NALF1: variants seen among roughly 807,000 people sequenced by gnomAD.
NALF1 encodes the protein NALCN channel auxiliary factor 1, also known as family with sequence similarity 155 member A.
NALF1 carries 3 observed loss-of-function variants against 48.4 expected under a neutral mutation model. The ratio of observed to expected loss-of-function variants is 0.06; its 90% CI spans 0.03 to 0.16. The LOEUF is 0.16. Among genes scored for constraint, NALF1 ranks in the 10% least tolerant of loss-of-function variants. NALF1 has a pLI of 1.00. For missense variants in NALF1, 526 were observed against 571.5 expected, an observed-to-expected ratio of 0.92 and a Z score of 0.81; for synonymous variants, 262 against 245.7, an observed-to-expected ratio of 1.07 and a Z score of -0.62.
chr13:107,841,183 A>G (rs1485395455), intron 1 of NALF1, among the ~76,000 whole-genome samples: 2 of 152,320 alleles, frequency 1.3e-5, no homozygotes, highest in Non-Finnish European at 1.5e-5. Context: ...AATTACACTT[A>G]TGCATATTTG....
chr13:107,224,522 A>C (rs1308671102), intron 1 of NALF1, among the ~76,000 whole-genome samples: 1 of 151,182 alleles, frequency 6.6e-6, no homozygotes, highest in African/African-American at 2.4e-5. Flanking sequence ...AAAAGGTAAA[A>C]AATTGGTTAA....
intron 1 of NALF1, among the ~76,000 whole-genome samples, chr13:107,699,681 A>G (rs1881776516): frequency 6.6e-6 from 1 of 152,166 alleles, no homozygotes; most frequent in South Asian, 2.1e-4. Context: ...CAATCAGACA[A>G]GAAAAAGCAA....
At chr13:107,374,058 C>A (rs35423989) in intron 1 of NALF1, among the ~76,000 whole-genome samples, 69 of 152,304 alleles carry the variant, frequency 4.5e-4, no homozygotes, top group Non-Finnish European at 9.1e-4. Flanking sequence ...ATATTCACTT[C>A]TCTGAATTTT....
At chr13:107,601,894 G>T (rs1489390362) in intron 1 of NALF1, among the ~76,000 whole-genome samples, 6 of 151,912 alleles carry the variant, frequency 3.9e-5, no homozygotes, top group Non-Finnish European at 7.4e-5. Flanking sequence ...AATTACTGAG[G>T]CTCCCTCCCT....
chr13:107,268,605 C>T (rs547480207), intron 1 of NALF1, among the ~76,000 whole-genome samples: 2 of 152,292 alleles, frequency 1.3e-5, no homozygotes, highest in South Asian at 2.1e-4. Flanking sequence ...GTTACAACTA[C>T]ATGTAAATCT....
At chr13:107,215,884 T>C (rs1002419749) in intron 1 of NALF1, among the ~76,000 whole-genome samples, 3 of 152,196 alleles carry the variant, frequency 2.0e-5, no homozygotes, top group South Asian at 2.1e-4. Flanking sequence ...TTTAAATATA[T>C]ATTACCCCCA....
intron 1 of NALF1, among the ~76,000 whole-genome samples, chr13:107,514,649 T>C (rs1876002308): frequency 6.6e-6 from 1 of 152,210 alleles, no homozygotes; most frequent in Non-Finnish European, 1.5e-5. Context: ...ACCTTTCACA[T>C]GGAAGTATAG....
chr13:107,845,938 ACC>A (rs1880159964), intron 1 of NALF1, among the ~76,000 whole-genome samples: 1 of 152,212 alleles, frequency 6.6e-6, no homozygotes. Flanking sequence ...AAATTCATGT[ACC>A]TAAATATAAT....
intron 1 of NALF1, among the ~76,000 whole-genome samples, chr13:107,629,359 C>T (rs1410041963): frequency 6.6e-6 from 1 of 152,118 alleles, no homozygotes; most frequent in African/African-American, 2.4e-5. Context: ...CTTTTAAATA[C>T]CTATAAAGAA....
At chr13:107,579,494 C>A (rs1044123435) in intron 1 of NALF1, among the ~76,000 whole-genome samples, 7 of 152,216 alleles carry the variant, frequency 4.6e-5, no homozygotes, top group Admixed American at 3.3e-4. Context: ...AAAGCAAAGT[C>A]TCTGTTGTGA....
At chr13:107,552,877 T>A (rs780108880) in intron 1 of NALF1, among the ~76,000 whole-genome samples, 1 of 152,132 alleles carries the variant, frequency 6.6e-6, no homozygotes, top group African/African-American at 2.4e-5. Context: ...GTCGTTTATA[T>A]AATATTAAAA....
chr13:107,297,821 T>C (rs1234483198), intron 1 of NALF1, among the ~76,000 whole-genome samples: 1 of 152,168 alleles, frequency 6.6e-6, no homozygotes, highest in Non-Finnish European at 1.5e-5. Context: ...TTGAATAGAT[T>C]ATAGCCACAT....
intron 1 of NALF1, among the ~76,000 whole-genome samples, chr13:107,358,055 T>C (rs900000887): frequency 1.3e-5 from 2 of 152,188 alleles, no homozygotes; most frequent in African/African-American, 4.8e-5. Context: ...CGTGTGCATA[T>C]GCATATTTAT....
chr13:107,548,484 T>G (rs1281504941), intron 1 of NALF1, among the ~76,000 whole-genome samples: 2 of 152,166 alleles, frequency 1.3e-5, no homozygotes, highest in Non-Finnish European at 2.9e-5. Flanking sequence ...ATACATCCAG[T>G]AATGGGATTG....
chr13:107,770,594 A>G (rs1027228194), intron 1 of NALF1, among the ~76,000 whole-genome samples: 2 of 152,296 alleles, frequency 1.3e-5, no homozygotes, highest in Admixed American at 6.5e-5. Context: ...AGTAATATGA[A>G]CTTTCTTATC....
chr13:107,194,059 T>TCA (rs1027910429), intron 2 of NALF1, among the ~76,000 whole-genome samples: 5 of 101,722 alleles, frequency 4.9e-5, no homozygotes, highest in Admixed American at 3.8e-4. Flanking sequence ...TATCTATCTA[T>TCA]ATATCAATCT....
chr13:107,426,739 A>G (rs1463609134), intron 1 of NALF1, among the ~76,000 whole-genome samples: 1 of 152,164 alleles, frequency 6.6e-6, no homozygotes, highest in Non-Finnish European at 1.5e-5. Context: ...AATAAGCACT[A>G]TTTTAAAATA....
intron 1 of NALF1, among the ~76,000 whole-genome samples, chr13:107,367,970 T>C (rs1883180734): frequency 6.6e-6 from 1 of 152,208 alleles, no homozygotes; most frequent in Non-Finnish European, 1.5e-5. Flanking sequence ...TGGTTCTTTA[T>C]GATAATAAAA....
At chr13:107,498,485 G>C (rs1875410981) in intron 1 of NALF1, among the ~76,000 whole-genome samples, 1 of 152,126 alleles carries the variant, frequency 6.6e-6, no homozygotes, top group African/African-American at 2.4e-5. Context: ...GATTTTGGAG[G>C]TTAAGCAAGT....
Sources: allele counts gnomAD v4.1 joint callset (sites outside exome capture counted in the v4.1 genomes callset), GRCh38; gene constraint gnomAD v4.1.1; transcripts MANE v1.5; gene names NCBI Gene and HGNC (gene_info 2026-07-23, HGNC 2026-07-21).